SHTN1: variants seen among roughly 807,000 people sequenced by gnomAD.
SHTN1 encodes the protein shootin-1.
Under a neutral mutation model 83.1 loss-of-function variants are expected in SHTN1, and 42 were observed. That is an observed-to-expected ratio of 0.51 (90% CI 0.39 to 0.65). SHTN1 has a LOEUF of 0.65. Ranked by LOEUF, SHTN1 falls within the 30% of genes least tolerant of loss-of-function variation. The probability of loss-of-function intolerance (pLI) is 0.00; values close to 1 mark genes in which losing one functional copy is unlikely to be tolerated. For missense variants in SHTN1, 622 were observed against 737.8 expected, an observed-to-expected ratio of 0.84 and a Z score of 1.82; for synonymous variants, 224 against 247.7, an observed-to-expected ratio of 0.90 and a Z score of 0.90.
intron 1 of SHTN1, among the ~76,000 whole-genome samples, chr10:117,062,947 A>T (rs1232911330): frequency 6.6e-6 from 1 of 152,208 alleles, no homozygotes; most frequent in Non-Finnish European, 1.5e-5. Context: ...CTCAGACGGT[A>T]CCTACAGGAA....
intron 2 of SHTN1, among the ~76,000 whole-genome samples, chr10:117,042,659 A>C (rs1852601672): frequency 6.6e-6 from 1 of 151,616 alleles, no homozygotes; most frequent in Non-Finnish European, 1.5e-5. Flanking sequence ...TCTGCTGCCC[A>C]GGCTGGAGTG....
chr10:117,041,881 T>A (rs1254991706), intron 2 of SHTN1, among the ~76,000 whole-genome samples: 1 of 152,234 alleles, frequency 6.6e-6, no homozygotes, highest in Non-Finnish European at 1.5e-5. Context: ...AAATTCCTTT[T>A]ACTTAAAGAA....
intron 1 of SHTN1, among the ~76,000 whole-genome samples, chr10:117,108,681 A>G (rs1432449455): frequency 4.6e-5 from 7 of 152,046 alleles, no homozygotes; most frequent in African/African-American, 9.7e-5. Flanking sequence ...CGTTGTGCAC[A>G]TGTACCCTAG....
intron 1 of SHTN1, among the ~76,000 whole-genome samples, chr10:117,105,759 T>C (rs776181125): frequency 4.6e-5 from 7 of 152,342 alleles, no homozygotes; most frequent in Non-Finnish European, 1.0e-4. Flanking sequence ...GGCTCACATC[T>C]ATAATCCCAA....
At chr10:116,960,364 G>C (rs1395372556) in intron 3 of SHTN1, 134 bp from the exon 4 acceptor site, 1 of 552,124 alleles carries the variant, frequency 1.8e-6, no homozygotes, top group Non-Finnish European at 3.2e-6. Flanking sequence ...CTGAAAAAAG[G>C]TTTTTGAGAA....
intron 1 of SHTN1, among the ~76,000 whole-genome samples, chr10:117,064,976 G>C (rs543803316): frequency 6.6e-6 from 1 of 152,192 alleles, no homozygotes; most frequent in East Asian, 1.9e-4. Context: ...GCTTCTTTTT[G>C]GTTCTGCTGA....
At chr10:116,912,676 AAAGT>A (rs1183966061) in intron 13 of SHTN1, among the ~76,000 whole-genome samples, 6 of 152,160 alleles carry the variant, frequency 3.9e-5, no homozygotes, top group Non-Finnish European at 8.8e-5. Flanking sequence ...GACCTCATGA[AAAGT>A]AAGTTCAGGA....
chr10:116,956,911 G>GT (rs913425869), intron 4 of SHTN1, among the ~76,000 whole-genome samples: 2 of 151,588 alleles, frequency 1.3e-5, no homozygotes, highest in Non-Finnish European at 2.9e-5. Context: ...ATATATGAGG[G>GT]TTTTTTTTGT....
intron 14 of SHTN1, among the ~76,000 whole-genome samples, chr10:116,909,895 C>G (rs1416832999): frequency 6.6e-6 from 1 of 152,050 alleles, no homozygotes; most frequent in Non-Finnish European, 1.5e-5. Flanking sequence ...CTTGATAACC[C>G]CTGGTACCAG....
intron 1 of SHTN1, among the ~76,000 whole-genome samples, chr10:116,990,585 T>C (rs550595396): frequency 1.3e-5 from 2 of 152,314 alleles, no homozygotes; most frequent in African/African-American, 4.8e-5. Flanking sequence ...TAGGCTGTCG[T>C]TGGAAGAAAC....
chr10:117,052,955 GC>G (rs1852769485), intron 1 of SHTN1, among the ~76,000 whole-genome samples: 1 of 133,790 alleles, frequency 7.5e-6, no homozygotes, highest in South Asian at 2.5e-4. Flanking sequence ...AGGAGGTGGA[GC>G]TTGCAGTGAG....
At chr10:117,088,265 G>T (rs1024324608) in intron 1 of SHTN1, among the ~76,000 whole-genome samples, 1 of 152,170 alleles carries the variant, frequency 6.6e-6, no homozygotes, top group Non-Finnish European at 1.5e-5. Context: ...ATATCTACCA[G>T]CTACCTCAGT....
intron 1 of SHTN1, among the ~76,000 whole-genome samples, chr10:117,090,752 CAGAA>C (rs1354220165): frequency 4.6e-4 from 51 of 110,640 alleles, no homozygotes; most frequent in South Asian, 2.3e-3. Flanking sequence ...TTTGTGAAAA[CAGAA>C]GGAAGGAAGG....
At chr10:117,063,942 T>C (rs1852935522) in intron 1 of SHTN1, among the ~76,000 whole-genome samples, 1 of 152,202 alleles carries the variant, frequency 6.6e-6, no homozygotes, top group Non-Finnish European at 1.5e-5. Flanking sequence ...AGCTATAATA[T>C]ACTTTTCACC....
At chr10:116,913,862 C>T (rs989053683) in intron 13 of SHTN1, among the ~76,000 whole-genome samples, 1 of 152,110 alleles carries the variant, frequency 6.6e-6, no homozygotes, top group Non-Finnish European at 1.5e-5. Context: ...TGCCAGGGCC[C>T]AACTCCAAGA....
chr10:116,930,292 T>C (rs80356291), intron 9 of SHTN1, among the ~76,000 whole-genome samples: 3 of 152,062 alleles, frequency 2.0e-5, no homozygotes, highest in Non-Finnish European at 4.4e-5. Flanking sequence ...TATAGGTAAA[T>C]TGTGTGTCAC....
At chr10:117,092,511 C>T (rs1019666495) in intron 1 of SHTN1, among the ~76,000 whole-genome samples, 5 of 152,144 alleles carry the variant, frequency 3.3e-5, no homozygotes, top group African/African-American at 4.8e-5. Context: ...AATTGTGAAA[C>T]TTTATCCCCT....
chr10:116,901,687 A>C (rs950677133), intron 16 of SHTN1, 78 bp downstream of exon 16: 2 of 1,404,658 alleles, frequency 1.4e-6, no homozygotes, highest in Non-Finnish European at 1.9e-6. Flanking sequence ...TCTCTAAAGG[A>C]AACAAATCAA....
At chr10:116,972,842 T>C (rs568832257) in intron 2 of SHTN1, among the ~76,000 whole-genome samples, 1 of 151,986 alleles carries the variant, frequency 6.6e-6, no homozygotes, top group Non-Finnish European at 1.5e-5. Flanking sequence ...GACTCTAGAG[T>C]CTCTATTTGG....
Sources: gnomAD v4.1 joint callset for allele counts (sites outside exome capture counted in the v4.1 genomes callset) on GRCh38, gnomAD v4.1.1 for gene constraint, MANE v1.5 for transcripts, NCBI Gene and HGNC (gene_info 2026-07-23, HGNC 2026-07-21) for gene names.